PRKN: variants seen among roughly 807,000 people sequenced by gnomAD.
PRKN encodes the protein E3 ubiquitin-protein ligase parkin.
A neutral mutation model predicts 59.5 loss-of-function variants in PRKN; 56 were observed. The ratio of observed to expected loss-of-function variants is 0.94; its 90% CI spans 0.76 to 1.18. The LOEUF (loss-of-function observed/expected upper bound fraction) is 1.18, where lower values mean the gene tolerates loss of function less well. PRKN is among the 50% of genes most tolerant of loss of function. PRKN has a pLI of 0.00. For synonymous variants in PRKN, 250 were observed against 222.1 expected, an observed-to-expected ratio of 1.13 and a Z score of -1.12; for missense variants, 657 against 596.4, an observed-to-expected ratio of 1.10 and a Z score of -1.06.
At chr6:161,822,181 C>T (rs1372349793) in intron 6 of PRKN, among the ~76,000 whole-genome samples, 4 of 152,110 alleles carry the variant, frequency 2.6e-5, no homozygotes, top group Non-Finnish European at 4.4e-5. Flanking sequence ...TGCGGTCATA[C>T]AGGATGAAGA....
chr6:161,394,497 G>A (rs551558813), intron 9 of PRKN, among the ~76,000 whole-genome samples: 2 of 152,276 alleles, frequency 1.3e-5, no homozygotes, highest in Non-Finnish European at 2.9e-5. Context: ...TCTTTGAACA[G>A]GTCCTTACTT....
At chr6:162,003,324 C>T (rs1231501025) in intron 5 of PRKN, among the ~76,000 whole-genome samples, 1 of 152,074 alleles carries the variant, frequency 6.6e-6, no homozygotes, top group Non-Finnish European at 1.5e-5. Flanking sequence ...CTCCACACCA[C>T]CTCTTGTTCT....
chr6:161,833,813 T>C (rs1792621100), intron 6 of PRKN, among the ~76,000 whole-genome samples: 1 of 152,220 alleles, frequency 6.6e-6, no homozygotes, highest in Non-Finnish European at 1.5e-5. Flanking sequence ...ACTCCAGCTC[T>C]GTTCCTATCC....
intron 1 of PRKN, among the ~76,000 whole-genome samples, chr6:162,641,006 T>C (rs189635313): frequency 9.2e-5 from 14 of 152,220 alleles, no homozygotes; most frequent in Non-Finnish European, 1.8e-4. Flanking sequence ...GACATAACTA[T>C]TTCATAAGGG....
rs140710095 is a variant in PRKN at position 161,368,092 on chromosome 6, A to C, written c.1168-7887T>G. 8.1e-4 allele frequency among the ~76,000 whole-genome samples: 123 copies of C among 151,598 alleles called. 1 individual carries two copies. In the East Asian group the frequency reaches 0.023, roughly 28 times the overall value. On this transcript the variant is annotated intron_variant, in intron 10 of 11. Coordinates refer to ENST00000366898, the MANE Select transcript of PRKN (RefSeq NM_004562.3). ...GACTAAGGCTAAGATGCTGTCATGG[A>C]GATCTGGAAGTCCCCGGGGACTTTT...
At chr6:161,954,471 G>A (rs1199194334) in intron 6 of PRKN, among the ~76,000 whole-genome samples, 1 of 152,080 alleles carries the variant, frequency 6.6e-6, no homozygotes, top group African/African-American at 2.4e-5. Flanking sequence ...CTTTCTGTGG[G>A]AATAATTCTC....
intron 6 of PRKN, among the ~76,000 whole-genome samples, chr6:161,845,883 C>G (rs1793177838): frequency 6.6e-6 from 1 of 152,192 alleles, no homozygotes; most frequent in African/African-American, 2.4e-5. Context: ...TGGGCAGCAC[C>G]TGTCAATCCG....
intron 7 of PRKN, among the ~76,000 whole-genome samples, chr6:161,570,119 A>C (rs1410564864): frequency 5.4e-5 from 7 of 129,054 alleles, no homozygotes; most frequent in Non-Finnish European, 1.1e-4. Context: ...AAGTAAGTAA[A>C]TAGGTAAAAA....
intron 5 of PRKN, among the ~76,000 whole-genome samples, chr6:162,012,074 A>G (rs1392096152): frequency 3.8e-4 from 57 of 152,000 alleles, no homozygotes; most frequent in South Asian, 2.1e-4. Context: ...GTCTTCAACA[A>G]CTCTACCATG....
intron 4 of PRKN, among the ~76,000 whole-genome samples, chr6:162,171,354 C>T (rs1384074582): frequency 6.6e-6 from 1 of 152,080 alleles, no homozygotes. Flanking sequence ...ACTAGCAATT[C>T]TGTAAGATGT....
chr6:161,827,466 T>C (rs138322010), intron 6 of PRKN, among the ~76,000 whole-genome samples: 11 of 151,818 alleles, frequency 7.2e-5, no homozygotes, highest in East Asian at 3.9e-4. Flanking sequence ...CATTTTAGAC[T>C]AGAAATTAGG....
At chr6:162,639,124 T>A (rs1318889164) in intron 1 of PRKN, among the ~76,000 whole-genome samples, 1 of 152,142 alleles carries the variant, frequency 6.6e-6, no homozygotes, top group Non-Finnish European at 1.5e-5. Flanking sequence ...AAAGCTCTGT[T>A]TTGAATTAAA....
At chr6:161,957,965 G>T (rs1207104378) in intron 6 of PRKN, among the ~76,000 whole-genome samples, 2 of 152,158 alleles carry the variant, frequency 1.3e-5, no homozygotes, top group Non-Finnish European at 2.9e-5. Context: ...GCTAATCACA[G>T]AAATCATTTC....
chr6:161,490,402 T>TTG (rs1777510284), intron 9 of PRKN, among the ~76,000 whole-genome samples: 2 of 148,742 alleles, frequency 1.3e-5, no homozygotes, highest in African/African-American at 5.0e-5. Context: ...TTTTTTTTTT[T>TTG]GAGACAGAGT....
chr6:161,991,935 A>G (rs1039541653), intron 5 of PRKN, among the ~76,000 whole-genome samples: 2 of 152,240 alleles, frequency 1.3e-5, no homozygotes, highest in Non-Finnish European at 2.9e-5. Flanking sequence ...ACACATAAAG[A>G]TGACAGTGAA....
intron 1 of PRKN, among the ~76,000 whole-genome samples, chr6:162,660,023 T>C (rs1222047610): frequency 6.6e-6 from 1 of 152,152 alleles, no homozygotes; most frequent in Non-Finnish European, 1.5e-5. Context: ...TTTATGATAA[T>C]CCTCCTATCC....
At chr6:161,997,175 G>A (rs1324795417) in intron 5 of PRKN, among the ~76,000 whole-genome samples, 4 of 152,042 alleles carry the variant, frequency 2.6e-5, no homozygotes, top group Non-Finnish European at 2.9e-5. Flanking sequence ...ATTAAATGAA[G>A]TTATTTTCCT....
At chr6:162,214,029 T>C (rs1483458204) in intron 3 of PRKN, among the ~76,000 whole-genome samples, 2 of 151,980 alleles carry the variant, frequency 1.3e-5, no homozygotes, top group Non-Finnish European at 2.9e-5. Context: ...AGGTGTTGGC[T>C]CAATGCTGTT....
chr6:162,563,258 C>A (rs894730976), intron 1 of PRKN, among the ~76,000 whole-genome samples: 1 of 151,572 alleles, frequency 6.6e-6, no homozygotes, highest in Non-Finnish European at 1.5e-5. Context: ...GAGCTGAGAT[C>A]GCGCCACTGC....
Sources: allele counts gnomAD v4.1 joint callset (sites outside exome capture counted in the v4.1 genomes callset), GRCh38; gene constraint gnomAD v4.1.1; transcripts MANE v1.5; gene names NCBI Gene and HGNC (gene_info 2026-07-23, HGNC 2026-07-21).